ANOS1: variants seen among roughly 807,000 people sequenced by gnomAD.
The protein encoded by ANOS1 is anosmin-1.
Under a neutral mutation model 59.0 loss-of-function variants are expected in ANOS1, and 6 were observed. That is an observed-to-expected ratio of 0.10 (90% CI 0.06 to 0.20). ANOS1 has a LOEUF of 0.20. ANOS1 is among the 10% of genes least tolerant of loss of function. The pLI, the probability that ANOS1 is intolerant of heterozygous loss-of-function variation, is 1.00. For missense variants in ANOS1, 433 were observed against 542.3 expected, an observed-to-expected ratio of 0.80 and a Z score of 2.00; for synonymous variants, 217 against 223.4, an observed-to-expected ratio of 0.97 and a Z score of 0.25.
At chrX:8,664,346 A>G (rs1297300140) in intron 2 of ANOS1, among the ~76,000 whole-genome samples, 1 of 110,010 alleles carries the variant, frequency 9.1e-6, no homozygotes, top group Non-Finnish European at 1.9e-5. Context: ...GTGCGCCACC[A>G]CGCCCGGCTA....
chrX:8,568,509 G>C, intron 7 of ANOS1, 133 bp from the exon 8 acceptor site: 4 of 634,275 alleles, frequency 6.3e-6, no homozygotes, highest in Non-Finnish European at 7.5e-6. Flanking sequence ...TATATCTTTG[G>C]GATCTGAAAA....
chrX:8,625,517 C>T (rs1931375924), intron 2 of ANOS1, among the ~76,000 whole-genome samples: 1 of 112,241 alleles, frequency 8.9e-6, no homozygotes, highest in African/African-American at 3.2e-5. Flanking sequence ...TTTTAAAATA[C>T]AGATACAGTT....
intron 1 of ANOS1, among the ~76,000 whole-genome samples, chrX:8,710,890 G>A (rs1932808690): frequency 1.8e-5 from 2 of 111,944 alleles, no homozygotes; most frequent in South Asian, 3.7e-4. Context: ...CACAATGCAG[G>A]GACCATCCTG....
chrX:8,643,235 G>A (rs1303838187), intron 2 of ANOS1, among the ~76,000 whole-genome samples: 1 of 111,809 alleles, frequency 8.9e-6, no homozygotes, highest in Non-Finnish European at 1.9e-5. Flanking sequence ...AAATAGAAGT[G>A]TTTGCAACTC....
chrX:8,560,215 C>A, intron 8 of ANOS1, among the ~76,000 whole-genome samples: 1 of 111,077 alleles, frequency 9.0e-6, no homozygotes, highest in Non-Finnish European at 1.9e-5. Flanking sequence ...GTGATCCTCC[C>A]ACCTGAGCCC....
At chrX:8,661,858 C>T (rs1932044740) in intron 2 of ANOS1, among the ~76,000 whole-genome samples, 1 of 111,082 alleles carries the variant, frequency 9.0e-6, no homozygotes, top group African/African-American at 3.3e-5. Context: ...GCATGTGCTA[C>T]AATAACATAC....
chrX:8,684,704 G>A (rs1191139195), intron 2 of ANOS1, among the ~76,000 whole-genome samples: 2 of 106,155 alleles, frequency 1.9e-5, no homozygotes, highest in Non-Finnish European at 3.9e-5. Flanking sequence ...TCCCAAACAC[G>A]AAAGCATGAA....
chrX:8,643,211 G>A (rs1931694912), intron 2 of ANOS1, among the ~76,000 whole-genome samples: 1 of 111,223 alleles, frequency 9.0e-6, no homozygotes, highest in Non-Finnish European at 1.9e-5. Flanking sequence ...CATATAGAAG[G>A]TCTTTATTGA....
rs147427068 is a variant in ANOS1, at chrX:8,657,179, C to T, written c.256-33509G>A. ...ACACTTGAGCTCAGGTGACTTCCCA[C>T]GTGGGTGATATTTCGTGCATCCTAC... On this transcript the variant is annotated intron_variant, in intron 2 of 13. Coordinates refer to ENST00000262648, the MANE Select transcript of ANOS1 (RefSeq NM_000216.4). Among the ~76,000 whole-genome samples, 516 of 112,566 alleles carry T rather than the reference C, an allele frequency of 4.6e-3. 7 individuals carry two copies. The highest frequency in any genetic ancestry group is 0.016 in the African/African-American group (491 of 30,997).
chrX:8,679,755 T>C (rs1318109265), intron 2 of ANOS1, among the ~76,000 whole-genome samples: 2 of 111,379 alleles, frequency 1.8e-5, no homozygotes, highest in Non-Finnish European at 3.8e-5. Flanking sequence ...TACTTAACTA[T>C]ACACTCAAAA....
chrX:8,546,851 C>A (rs1929778730), intron 9 of ANOS1, among the ~76,000 whole-genome samples: 1 of 111,868 alleles, frequency 8.9e-6, no homozygotes, highest in Non-Finnish European at 1.9e-5. Context: ...TTCTCTTTTT[C>A]TCTTCAGGCA....
chrX:8,698,452 C>T (rs10521597), intron 2 of ANOS1, among the ~76,000 whole-genome samples: 8,778 of 111,713 alleles, frequency 0.079, 473 homozygotes, highest in African/African-American at 0.19. Context: ...ACGATTAATA[C>T]GACACTGCAC....
intron 8 of ANOS1, among the ~76,000 whole-genome samples, chrX:8,567,439 C>A (rs1239277898): frequency 2.1e-5 from 2 of 95,372 alleles, no homozygotes; most frequent in Non-Finnish European, 4.7e-5. Flanking sequence ...TTATTTTGGT[C>A]TCTGCCTTCA....
rs1018031080 is a variant in ANOS1 at position 8,535,864 on chromosome X, C to T, written c.1622-53G>A. The stretch of plus-strand genomic sequence containing the variant: ...GATTAGGCGACTGGAGAAGGTGTGC[C>T]CAAGGGATCCATTGTAGGAATTTTC... On this transcript the variant is annotated intron_variant, in intron 11 of 13. Coordinates refer to ENST00000262648, the MANE Select transcript of ANOS1 (RefSeq NM_000216.4). 8 of 988,917 alleles carry T rather than the reference C, an allele frequency of 8.1e-6. No individual in the cohort carries two copies. The African/African-American group carries it at 1.3e-4, about 16-fold the overall frequency. The allele number at this position is 988,917 out of a possible 1,213,427, so 81.5% of individuals were successfully genotyped here. A position where few individuals can be genotyped will look rare whatever the true frequency, so the allele number is the denominator to read the frequency against.
intron 3 of ANOS1, among the ~76,000 whole-genome samples, chrX:8,605,645 C>CAAAA (rs368596236): frequency 2.1e-5 from 1 of 47,915 alleles, no homozygotes; most frequent in Non-Finnish European, 3.9e-5. Context: ...GACTCCATCT[C>CAAAA]AAAAAAAAAA....
chrX:8,572,445 C>A (rs1398751902), intron 6 of ANOS1, among the ~76,000 whole-genome samples: 1 of 111,477 alleles, frequency 9.0e-6, no homozygotes, highest in Non-Finnish European at 1.9e-5. Flanking sequence ...CCATCCATGT[C>A]CCTGCAAAGG....
intron 3 of ANOS1, among the ~76,000 whole-genome samples, chrX:8,616,049 T>A (rs1228845384): frequency 9.0e-6 from 1 of 111,089 alleles, no homozygotes; most frequent in Non-Finnish European, 1.9e-5. Flanking sequence ...GATCACTTTT[T>A]TTTTTTACAG....
At chrX:8,631,098 T>G (rs749168723) in intron 2 of ANOS1, among the ~76,000 whole-genome samples, 9 of 111,580 alleles carry the variant, frequency 8.1e-5, no homozygotes, top group Non-Finnish European at 1.5e-4. Context: ...GAAACAAGCA[T>G]GGGGAAAGAT....
intron 2 of ANOS1, among the ~76,000 whole-genome samples, chrX:8,651,894 G>A (rs746684701): frequency 1.3e-3 from 151 of 111,952 alleles, no homozygotes; most frequent in African/African-American, 4.1e-3. Flanking sequence ...CAAGGAAGTC[G>A]TTGGCACTGG....
Sources: allele counts gnomAD v4.1 joint callset (sites outside exome capture counted in the v4.1 genomes callset), GRCh38; gene constraint gnomAD v4.1.1; transcripts MANE v1.5; gene names NCBI Gene and HGNC (gene_info 2026-07-23, HGNC 2026-07-21).